Variants in ADGRV1 observed in about 807,000 individuals in gnomAD.
ADGRV1 encodes the protein adhesion G protein-coupled receptor V1.
A neutral mutation model predicts 596.2 loss-of-function variants in ADGRV1; 359 were observed. The observed-to-expected ratio is 0.60, with a 90% CI of 0.55 to 0.66. The LOEUF is 0.66. ADGRV1 is among the 30% of genes least tolerant of loss of function. The probability of loss-of-function intolerance (pLI) is 0.00; values close to 1 mark genes in which losing one functional copy is unlikely to be tolerated. For synonymous variants in ADGRV1, 2,681 were observed against 2,679.2 expected (o/e 1.00, Z -0.02); for missense variants, 7,274 against 7,575.6 (o/e 0.96, Z 1.48).
At chr5:90,640,343 T>C (rs1251099675) in intron 11 of ADGRV1, among the ~76,000 whole-genome samples, 2 of 152,214 alleles carry the variant, frequency 1.3e-5, no homozygotes, top group East Asian at 1.9e-4. Flanking sequence ...GCAAATGATA[T>C]AGGTATAGAT....
chr5:90,774,133 A>G, intron 59 of ADGRV1, 53 bp from the exon 60 acceptor site: 2 of 957,514 alleles, frequency 2.1e-6, no homozygotes, highest in South Asian at 1.7e-5. Flanking sequence ...ACAACATTCA[A>G]ACTTTGGCTT....
chr5:90,943,734 C>T (rs926977393), intron 83 of ADGRV1, among the ~76,000 whole-genome samples: 5 of 152,138 alleles, frequency 3.3e-5, no homozygotes, highest in African/African-American at 4.8e-5. Flanking sequence ...TGTGCCTTGG[C>T]TTGCAGCTGC....
At chr5:91,155,836 T>G (rs760250894) in intron 89 of ADGRV1, among the ~76,000 whole-genome samples, 2 of 152,170 alleles carry the variant, frequency 1.3e-5, no homozygotes, top group African/African-American at 4.8e-5. Context: ...TATGAAAGTA[T>G]GAAGAAATAA....
At chr5:91,067,007 G>T (rs1345017593) in intron 85 of ADGRV1, among the ~76,000 whole-genome samples, 1 of 152,206 alleles carries the variant, frequency 6.6e-6, no homozygotes, top group Admixed American at 6.5e-5. Context: ...CTTCTGAGAA[G>T]TCATGACTTG....
chr5:90,719,331 AAAT>A (rs1232464878), intron 43 of ADGRV1, among the ~76,000 whole-genome samples: 4 of 19,230 alleles, frequency 2.1e-4, no homozygotes, highest in African/African-American at 8.9e-4. Context: ...ATAAATAAAT[AAAT>A]AAATAAATAA....
chr5:91,096,623 A>G (rs1790889607), intron 86 of ADGRV1, among the ~76,000 whole-genome samples: 1 of 151,354 alleles, frequency 6.6e-6, no homozygotes, highest in Non-Finnish European at 1.5e-5. Flanking sequence ...TGATGATTTG[A>G]TTTTTTTTTC....
chr5:90,678,141 G>C (rs1386503579), intron 25 of ADGRV1, among the ~76,000 whole-genome samples: 1 of 151,996 alleles, frequency 6.6e-6, no homozygotes, highest in Non-Finnish European at 1.5e-5. Context: ...GGTTCTGGGT[G>C]CCATACATTC....
chr5:90,734,911 T>TA (rs1208817012), intron 50 of ADGRV1, among the ~76,000 whole-genome samples: 2 of 152,230 alleles, frequency 1.3e-5, no homozygotes, highest in Admixed American at 6.5e-5. Context: ...TTGAGTTTCT[T>TA]ATATAGTTTG....
chr5:90,732,396 T>G (rs1209239386), intron 50 of ADGRV1, among the ~76,000 whole-genome samples: 1 of 152,196 alleles, frequency 6.6e-6, no homozygotes, highest in Non-Finnish European at 1.5e-5. Context: ...GATATACATA[T>G]AATGATATGT....
chr5:90,606,565 G>A (rs1298697254), intron 1 of ADGRV1, among the ~76,000 whole-genome samples: 1 of 152,194 alleles, frequency 6.6e-6, no homozygotes, highest in Non-Finnish European at 1.5e-5. Flanking sequence ...AGACATTCGT[G>A]TTGGGAATTT....
chr5:90,870,655 A>G (rs988060185), intron 83 of ADGRV1, among the ~76,000 whole-genome samples: 4 of 152,196 alleles, frequency 2.6e-5, no homozygotes, highest in African/African-American at 7.2e-5. Flanking sequence ...AGGCTACCAG[A>G]CCACACCTGT....
chr5:90,763,078 A>C (rs881288), intron 58 of ADGRV1: 2 of 433,980 alleles, frequency 4.6e-6, no homozygotes, highest in Non-Finnish European at 8.3e-6. Flanking sequence ...GAATTCAGTC[A>C]CATGCTCTAC....
At chr5:91,138,214 C>T (rs905919746) in intron 87 of ADGRV1, among the ~76,000 whole-genome samples, 2 of 150,682 alleles carry the variant, frequency 1.3e-5, no homozygotes, top group African/African-American at 4.9e-5. Context: ...GAAAGCATCT[C>T]GTTACATAAT....
intron 85 of ADGRV1, among the ~76,000 whole-genome samples, chr5:91,049,735 T>A (rs1451132207): frequency 6.6e-6 from 1 of 152,136 alleles, no homozygotes; most frequent in Non-Finnish European, 1.5e-5. Context: ...ACATAACCAG[T>A]GTATCTTGAT....
intron 87 of ADGRV1, among the ~76,000 whole-genome samples, chr5:91,113,352 T>C (rs1355327833): frequency 6.6e-6 from 1 of 152,178 alleles, no homozygotes; most frequent in East Asian, 1.9e-4. Context: ...CAAAAGCTGT[T>C]GCAGGCGAAA....
intron 83 of ADGRV1, among the ~76,000 whole-genome samples, chr5:90,886,030 G>A (rs1247555768): frequency 2.0e-5 from 3 of 152,074 alleles, no homozygotes; most frequent in Admixed American, 6.6e-5. Flanking sequence ...TGATTTTAGT[G>A]TAGCAGGATT....
chr5:90,695,365 T>C (rs1281774162), intron 33 of ADGRV1, among the ~76,000 whole-genome samples: 1 of 152,124 alleles, frequency 6.6e-6, no homozygotes, highest in African/African-American at 2.4e-5. Context: ...CGTGTGCTAT[T>C]TAAAATTGGG....
intron 83 of ADGRV1, among the ~76,000 whole-genome samples, chr5:90,887,279 G>C (rs1313167685): frequency 6.6e-6 from 1 of 152,112 alleles, no homozygotes; most frequent in African/African-American, 2.4e-5. Context: ...ATCCTTGGCT[G>C]TTTGTATCAG....
At chr5:91,036,561 T>TAAA (rs74750705) in intron 85 of ADGRV1, among the ~76,000 whole-genome samples, 13 of 118,032 alleles carry the variant, frequency 1.1e-4, no homozygotes, top group Non-Finnish European at 2.2e-4. Context: ...GACTCCGTCT[T>TAAA]AAAAAAAAAA....
Sources: allele counts gnomAD v4.1 joint callset (sites outside exome capture counted in the v4.1 genomes callset), GRCh38; gene constraint gnomAD v4.1.1; transcripts MANE v1.5; gene names NCBI Gene and HGNC (gene_info 2026-07-23, HGNC 2026-07-21).